Variants in OPCML observed in about 807,000 individuals in gnomAD.
OPCML encodes opioid binding protein/cell adhesion molecule like, also known as opioid-binding protein/cell adhesion molecule.
A neutral mutation model predicts 37.8 loss-of-function variants in OPCML; 13 were observed. The observed-to-expected ratio is 0.34, with a 90% confidence interval of 0.22 to 0.55. The LOEUF is 0.55. Ranked by LOEUF, OPCML falls within the 20% of genes least tolerant of loss-of-function variation. The pLI is 0.91. For synonymous variants in OPCML, 176 were observed against 168.8 expected (o/e 1.04, Z -0.33); for missense variants, 341 against 435.6 (o/e 0.78, Z 1.93).
chr11:132,675,924 A>C (rs751978224), intron 2 of OPCML, among the ~76,000 whole-genome samples: 32 of 152,164 alleles, frequency 2.1e-4, no homozygotes, highest in Admixed American at 1.6e-3. Flanking sequence ...GCTTCTTGGC[A>C]GGAATTGACC....
chr11:133,498,475 C>T (rs1482705979), intron 1 of OPCML, among the ~76,000 whole-genome samples: 6 of 152,266 alleles, frequency 3.9e-5, no homozygotes, highest in East Asian at 1.9e-4. Context: ...CCCAGGAAAC[C>T]GGGCACAATA....
chr11:132,478,655 G>A (rs1454852547), intron 4 of OPCML, among the ~76,000 whole-genome samples: 1 of 152,192 alleles, frequency 6.6e-6, no homozygotes, highest in Non-Finnish European at 1.5e-5. Context: ...TTAATGACTT[G>A]TTAAATAATA....
At chr11:133,180,074 G>C (rs138657507) in intron 1 of OPCML, among the ~76,000 whole-genome samples, 1,715 of 152,270 alleles carry the variant, frequency 0.011, 35 homozygotes, top group African/African-American at 0.039. Flanking sequence ...ATCAAAAAAG[G>C]CCAGAAGACT....
intron 1 of OPCML, among the ~76,000 whole-genome samples, chr11:133,259,403 C>G (rs1410468662): frequency 6.6e-6 from 1 of 152,082 alleles, no homozygotes; most frequent in East Asian, 1.9e-4. Flanking sequence ...TTGTAACTGG[C>G]TGAGTTAAGA....
At chr11:133,119,528 G>T (rs923840579) in intron 1 of OPCML, among the ~76,000 whole-genome samples, 2 of 151,996 alleles carry the variant, frequency 1.3e-5, no homozygotes, top group African/African-American at 4.8e-5. Flanking sequence ...CCAGGGCACT[G>T]GGAATTAGTA....
rs113270656 is a variant in OPCML at position 133,055,667 on chromosome 11, C to T, written c.62-112657G>A. Among the ~76,000 whole-genome samples, 636 of 142,750 alleles carry T rather than the reference C, an allele frequency of 4.5e-3. 2 individuals are homozygous for T. Among genetic ancestry groups the T allele is most frequent in the Non-Finnish European group, 5.6e-3 (368 of 66,000 alleles). 93.6% of individuals were successfully genotyped at this position (142,750 alleles called of 152,430 possible). On this transcript the variant is annotated intron_variant, in intron 1 of 7. Transcript: ENST00000524381. ...CCATGAGGGAGCCGCCTCTACCATA[C>T]AATGCTGCCTCCATGATACTTCCAA...
intron 2 of OPCML, among the ~76,000 whole-genome samples, chr11:132,701,099 A>T (rs1943794991): frequency 6.6e-6 from 1 of 152,192 alleles, no homozygotes; most frequent in Non-Finnish European, 1.5e-5. Flanking sequence ...AGACTGGGTA[A>T]TGTATAAAGG....
intron 2 of OPCML, among the ~76,000 whole-genome samples, chr11:132,728,114 G>A (rs1308015560): frequency 6.6e-6 from 1 of 152,208 alleles, no homozygotes; most frequent in East Asian, 1.9e-4. Context: ...CGTGTGCCGC[G>A]CCTGTAACAA....
At chr11:133,136,695 G>A (rs545838031) in intron 1 of OPCML, among the ~76,000 whole-genome samples, 24 of 152,102 alleles carry the variant, frequency 1.6e-4, no homozygotes, top group Middle Eastern at 3.4e-3. Flanking sequence ...GAGAGAATAC[G>A]GGAGTGAGCA....
chr11:132,769,160 G>T (rs538306424), intron 2 of OPCML, among the ~76,000 whole-genome samples: 218 of 152,038 alleles, frequency 1.4e-3, no homozygotes, highest in Admixed American at 3.1e-3. Flanking sequence ...TTTGCCCATT[G>T]TGTTATTAGG....
chr11:132,680,765 T>C (rs541260942), intron 2 of OPCML, among the ~76,000 whole-genome samples: 9 of 152,342 alleles, frequency 5.9e-5, no homozygotes, highest in South Asian at 2.1e-4. Flanking sequence ...TGGGGGCCTA[T>C]TAGCCAGGCC....
intron 1 of OPCML, among the ~76,000 whole-genome samples, chr11:133,398,699 C>T (rs1000343607): frequency 4.6e-5 from 7 of 152,060 alleles, no homozygotes; most frequent in African/African-American, 1.2e-4. Flanking sequence ...TTATTGCATT[C>T]TTAAGTCTAT....
At chr11:133,244,332 C>T (rs369677659) in intron 1 of OPCML, among the ~76,000 whole-genome samples, 3 of 152,074 alleles carry the variant, frequency 2.0e-5, no homozygotes, top group Non-Finnish European at 2.9e-5. Context: ...GGAGATAAAC[C>T]CAAACACTAA....
In OPCML at chr11:133,532,454, AAG is replaced by A. The variant is rs1171238336; in HGVS notation, c.-132_-131del. Reference sequence around the variant, plus strand: ...GTTTGCAAAGGGAGGGAGAGAGCAGAAGAGAGAGAGAGCGCGCGAGAGATGGG... The same window carrying A: ...GTTTGCAAAGGGAGGGAGAGAGCAGAAGAGAGAGAGCGCGCGAGAGATGGG... On this transcript the variant is annotated 5_prime_UTR_variant, in exon 1 of 8. Coordinates refer to ENST00000524381, the MANE Select transcript of OPCML (RefSeq NM_001012393.5). 1.1e-4 allele frequency: 127 copies of A among 1,139,310 alleles called. No homozygotes were observed. The highest frequency in any genetic ancestry group is 1.4e-4 in the Non-Finnish European group (109 of 783,860). 70.6% of individuals were successfully genotyped at this position (1,139,310 alleles called of 1,614,324 possible). A position where few individuals can be genotyped will look rare whatever the true frequency, so the allele number is the denominator to read the frequency against.
rs1002165195 is a variant in OPCML at position 133,208,521 on chromosome 11, T to C, written c.62-265511A>G. Among the ~76,000 whole-genome samples the C allele has an allele frequency of 1.3e-5, 2 of 152,214 alleles. No individual in the cohort carries two copies. The highest frequency in any genetic ancestry group is 3.8e-4 in the East Asian group (2 of 5,196). ...AATAAAGTGCAATGAAGTATGTCAG[T>C]AGGGCATCGTAAATATAATTCCAAT... On this transcript the variant is annotated intron_variant, in intron 1 of 7. Transcript: ENST00000524381. The surrounding 1 kb of genome is among the most constrained non-coding windows in gnomAD (Gnocchi z 8.9).
intron 1 of OPCML, among the ~76,000 whole-genome samples, chr11:133,025,774 C>T (rs944460405): frequency 1.4e-5 from 2 of 145,844 alleles, no homozygotes; most frequent in Non-Finnish European, 3.0e-5. Flanking sequence ...CGATCTGTCG[C>T]CCAGGCTGGA....
chr11:133,263,347 C>T (rs928706431), intron 1 of OPCML, among the ~76,000 whole-genome samples: 3 of 152,216 alleles, frequency 2.0e-5, no homozygotes, highest in Middle Eastern at 3.4e-3. Flanking sequence ...TGTATTTTTA[C>T]CTTTCCTATG....
intron 1 of OPCML, among the ~76,000 whole-genome samples, chr11:133,213,418 C>G (rs1191021551): frequency 6.6e-6 from 1 of 152,118 alleles, no homozygotes; most frequent in Non-Finnish European, 1.5e-5. Context: ...CTATAGGTAA[C>G]AGCTAAAGTT....
intron 1 of OPCML, among the ~76,000 whole-genome samples, chr11:132,990,658 G>A (rs1946758331): frequency 6.6e-6 from 1 of 152,184 alleles, no homozygotes; most frequent in Non-Finnish European, 1.5e-5. Context: ...AGAGAGCCCA[G>A]ACTAATATTG....
Sources: allele counts gnomAD v4.1 joint callset (sites outside exome capture counted in the v4.1 genomes callset), GRCh38; gene constraint gnomAD v4.1.1; non-coding constraint Gnocchi (gnomAD v3.1); transcripts MANE v1.5; gene names NCBI Gene and HGNC (gene_info 2026-07-23, HGNC 2026-07-21).